The following MUSK variants were observed in gnomAD, a reference collection of about 807,000 sequenced individuals.
MUSK encodes the protein muscle associated receptor tyrosine kinase.
A neutral mutation model predicts 88.7 loss-of-function variants in MUSK; 55 were observed. The ratio of observed to expected loss-of-function variants is 0.62; its 90% confidence interval spans 0.50 to 0.78. MUSK has a LOEUF of 0.78. Among genes scored for constraint, MUSK ranks in the 30% least tolerant of loss-of-function variants. MUSK has a pLI of 0.00. For missense variants in MUSK, 1,015 were observed against 1,074.3 expected (o/e 0.94, Z 0.77); for synonymous variants, 387 against 391.9 (o/e 0.99, Z 0.15).
chr9:110,800,886 T>C lies in MUSK; in HGVS notation c.2508T>C (p.Arg836=). ...NCPVELYNLM[R]LCWSKLPADR... is the part of the protein sequence containing the mutation. ...CCGTGGAGCTGTACAATCTCATGCG[T>C]CTATGTTGGAGCAAGCTGCCTGCAG... Residue 836 remains arginine (R), a synonymous_variant, in exon 15 of 15, where the codon CGT becomes CGC. Coordinates refer to ENST00000374448, the MANE Select transcript of MUSK (RefSeq NM_005592.4). 1 of 1,570,654 alleles carries C rather than the reference T, an allele frequency of 6.4e-7. No individual in the cohort carries two copies. Among genetic ancestry groups the C allele is most frequent in the Non-Finnish European group, 8.6e-7 (1 of 1,157,882 alleles).
chr9:110,774,240 C>T (rs2077628730), intron 9 of MUSK, among the ~76,000 whole-genome samples: 1 of 152,096 alleles, frequency 6.6e-6, no homozygotes, highest in African/African-American at 2.4e-5. Flanking sequence ...TTATTTCTTG[C>T]AGTGCCATTT....
At chr9:110,786,375 T>G (rs1354242789) in intron 13 of MUSK, among the ~76,000 whole-genome samples, 3 of 151,984 alleles carry the variant, frequency 2.0e-5, no homozygotes, top group Admixed American at 2.0e-4. Context: ...TTATTTGTAT[T>G]GCATAATACA....
chr9:110,748,091 A>G (rs548237920), intron 7 of MUSK: 1 of 507,950 alleles, frequency 2.0e-6, no homozygotes, highest in Admixed American at 2.4e-5. Context: ...CCTTTTCTCC[A>G]TTTCTCTTTC....
At chr9:110,759,519 C>G (rs1183605148) in intron 7 of MUSK, among the ~76,000 whole-genome samples, 1 of 152,092 alleles carries the variant, frequency 6.6e-6, no homozygotes, top group Non-Finnish European at 1.5e-5. Flanking sequence ...AAGAAACTAT[C>G]AACAGAGTAA....
chr9:110,700,282 C>G (rs2076485043), intron 5 of MUSK, among the ~76,000 whole-genome samples: 1 of 152,098 alleles, frequency 6.6e-6, no homozygotes, highest in African/African-American at 2.4e-5. Flanking sequence ...TATATTCTGC[C>G]ATTTTAGGAA....
chr9:110,790,762 T>C (rs2077960276), intron 14 of MUSK, among the ~76,000 whole-genome samples: 1 of 152,138 alleles, frequency 6.6e-6, no homozygotes, highest in Non-Finnish European at 1.5e-5. Context: ...AAATATAAAA[T>C]GGACTAGAGA....
At chr9:110,741,934 G>T (rs963099638) in intron 6 of MUSK, among the ~76,000 whole-genome samples, 4 of 152,156 alleles carry the variant, frequency 2.6e-5, no homozygotes, top group Non-Finnish European at 5.9e-5. Flanking sequence ...ACGTCAGGTG[G>T]CTGTCAAAGA....
At chr9:110,740,789 T>A (rs2077086958) in intron 6 of MUSK, among the ~76,000 whole-genome samples, 1 of 152,136 alleles carries the variant, frequency 6.6e-6, no homozygotes, top group Admixed American at 6.6e-5. Context: ...GGAAGAGCAT[T>A]CGGAAGACTG....
intron 3 of MUSK, among the ~76,000 whole-genome samples, chr9:110,691,303 A>G (rs972259566): frequency 2.0e-5 from 3 of 151,994 alleles, no homozygotes; most frequent in Non-Finnish European, 4.4e-5. Flanking sequence ...GATGAGCAAA[A>G]CAGTTTCCCA....
chr9:110,776,101 C>T, intron 10 of MUSK, 138 bp downstream of exon 10: 1 of 782,598 alleles, frequency 1.3e-6, no homozygotes, highest in Admixed American at 2.6e-5. Flanking sequence ...TCCTTAGATA[C>T]CTACTAGCGG....
intron 11 of MUSK, among the ~76,000 whole-genome samples, chr9:110,780,257 C>G (rs1445606297): frequency 6.6e-6 from 1 of 152,190 alleles, no homozygotes; most frequent in Non-Finnish European, 1.5e-5. Flanking sequence ...AAGTCAGACA[C>G]CAATTCTTTC....
At chr9:110,779,405 C>T (rs1194840522) in intron 11 of MUSK, among the ~76,000 whole-genome samples, 1 of 152,116 alleles carries the variant, frequency 6.6e-6, no homozygotes, top group Admixed American at 6.6e-5. Flanking sequence ...TATTTATAAT[C>T]TGTATGATAG....
At chr9:110,797,556 G>T (rs1285415011) in intron 14 of MUSK, among the ~76,000 whole-genome samples, 1 of 152,166 alleles carries the variant, frequency 6.6e-6, no homozygotes, top group Non-Finnish European at 1.5e-5. Flanking sequence ...AATATTAAAA[G>T]CAAGAATTTC....
chr9:110,742,798 A>G (rs2077120540), intron 6 of MUSK, among the ~76,000 whole-genome samples: 1 of 152,214 alleles, frequency 6.6e-6, no homozygotes, highest in Non-Finnish European at 1.5e-5. Flanking sequence ...GAAGAAAGCA[A>G]AAGTACATCC....
At chr9:110,797,126 A>AAAT (rs1554756597) in intron 14 of MUSK, among the ~76,000 whole-genome samples, 1 of 36,728 alleles carries the variant, frequency 2.7e-5, no homozygotes, top group South Asian at 9.4e-4. Context: ...CAAAAAAATA[A>AAAT]AAAAATAAAA....
intron 5 of MUSK, among the ~76,000 whole-genome samples, chr9:110,697,950 C>T (rs1281649863): frequency 1.3e-5 from 2 of 149,996 alleles, no homozygotes; most frequent in African/African-American, 4.9e-5. Context: ...CAAAAATAAT[C>T]CCAGTTCTGT....
At position 110,786,077 on chromosome 9, in the gene MUSK, T is replaced by A. The variant is rs907958061; in HGVS notation, c.1778+359T>A. ...CTGTAATCCCAGCACTTTGGGAGGC[T>A]GAGGCGGGAGGATCACCTTAGTCAG... On this transcript the variant is annotated intron_variant, in intron 13 of 14. Coordinates refer to ENST00000374448, the MANE Select transcript of MUSK (RefSeq NM_005592.4). Among the ~76,000 whole-genome samples the A allele has an allele frequency of 3.7e-4, 56 of 151,068 alleles. 1 individual carries two copies. The highest frequency in any genetic ancestry group is 1.3e-3 in the African/African-American group (55 of 41,382).
At chr9:110,770,930 T>G (rs981831413) in intron 9 of MUSK, among the ~76,000 whole-genome samples, 2 of 152,030 alleles carry the variant, frequency 1.3e-5, no homozygotes, top group Non-Finnish European at 2.9e-5. Flanking sequence ...ATTTGTACAT[T>G]TTAGAGTTGA....
rs774559545 is a variant in MUSK, at chr9:110,803,960, C to G, written c.*2972C>G. On this transcript the variant is annotated 3_prime_UTR_variant, in exon 15 of 15. Transcript: ENST00000374448. ...GGCACCAGCAGTCATTTTTAGTGAT[C>G]AAATACCAAACATGGTAAGATACCA... is the stretch of plus-strand genomic sequence containing the variant. Among the ~76,000 whole-genome samples, 7 of 152,130 alleles carry G rather than the reference C, an allele frequency of 4.6e-5. No individual in the cohort carries two copies. Among genetic ancestry groups the G allele is most frequent in the African/African-American group, 7.2e-5 (3 of 41,436 alleles).
Sources: gnomAD v4.1 joint callset for allele counts (sites outside exome capture counted in the v4.1 genomes callset) on GRCh38, gnomAD v4.1.1 for gene constraint, MANE v1.5 for transcripts, NCBI Gene and HGNC (gene_info 2026-07-23, HGNC 2026-07-21) for gene names.